The following KCNQ3 variants were observed in gnomAD, a reference collection of about 807,000 sequenced individuals.
KCNQ3 encodes potassium voltage-gated channel subfamily Q member 3.
A neutral mutation model predicts 92.5 loss-of-function variants in KCNQ3; 30 were observed. That is an observed-to-expected ratio of 0.32 (90% CI 0.24 to 0.44). KCNQ3 has a LOEUF of 0.44. Among genes scored for constraint, KCNQ3 ranks in the 20% least tolerant of loss-of-function variants. The pLI is 1.00. For missense variants in KCNQ3, 913 were observed against 1,140.3 expected (o/e 0.80, Z 2.87); for synonymous variants, 450 against 468.8 (o/e 0.96, Z 0.52).
chr8:132,282,339 T>G (rs993727039), intron 1 of KCNQ3, among the ~76,000 whole-genome samples: 1 of 152,182 alleles, frequency 6.6e-6, no homozygotes, highest in African/African-American at 2.4e-5. Context: ...TTTTAACAGG[T>G]GAGAAACTTC....
chr8:132,398,335 C>T (rs1014786979), intron 1 of KCNQ3, among the ~76,000 whole-genome samples: 2 of 151,940 alleles, frequency 1.3e-5, no homozygotes, highest in Admixed American at 1.3e-4. Context: ...CTTGATTTTG[C>T]TTTTGCATTT....
chr8:132,266,727 C>T (rs193287443), intron 1 of KCNQ3, among the ~76,000 whole-genome samples: 12 of 152,262 alleles, frequency 7.9e-5, no homozygotes, highest in African/African-American at 2.9e-4. Flanking sequence ...TTCTGGAACC[C>T]ACTCCAGACT....
At position 132,251,530 on chromosome 8, in the gene KCNQ3, T is replaced by C. The variant is rs149915416; in HGVS notation, c.387-65349A>G. Among the ~76,000 whole-genome samples, 688 of 152,348 alleles carry C rather than the reference T, an allele frequency of 4.5e-3. 4 individuals carry two copies. The highest frequency in any genetic ancestry group is 0.015 in the African/African-American group (633 of 41,586). On this transcript the variant is annotated intron_variant, in intron 1 of 14. Transcript: ENST00000388996. ...TTGTTTTTGTGGTCTCTTCCAAACA[T>C]GATACTTTGTGTTTCTGATGTGTTC...
intron 1 of KCNQ3, among the ~76,000 whole-genome samples, chr8:132,357,484 G>T (rs1417026146): frequency 6.6e-6 from 1 of 152,208 alleles, no homozygotes; most frequent in Non-Finnish European, 1.5e-5. Flanking sequence ...TGGCACCAGG[G>T]TCGCTCTCTG....
chr8:132,172,007 A>T (rs373895296), intron 7 of KCNQ3, among the ~76,000 whole-genome samples: 1 of 152,048 alleles, frequency 6.6e-6, no homozygotes, highest in African/African-American at 2.4e-5. Context: ...AAAAAAAATT[A>T]AAAAAATTAA....
At chr8:132,319,154 T>C (rs1817827445) in intron 1 of KCNQ3, among the ~76,000 whole-genome samples, 1 of 152,134 alleles carries the variant, frequency 6.6e-6, no homozygotes, top group Non-Finnish European at 1.5e-5. Context: ...TGATCTCATT[T>C]CTCCATGGAT....
At chr8:132,177,087 G>A (rs993788562) in intron 4 of KCNQ3, among the ~76,000 whole-genome samples, 1 of 152,218 alleles carries the variant, frequency 6.6e-6, no homozygotes, top group Non-Finnish European at 1.5e-5. Flanking sequence ...TGTGGTCCTA[G>A]TGCTTATATG....
intron 1 of KCNQ3, among the ~76,000 whole-genome samples, chr8:132,309,882 A>C (rs746859927): frequency 1.3e-5 from 2 of 152,210 alleles, no homozygotes; most frequent in African/African-American, 2.4e-5. Context: ...ACTTTCCCAA[A>C]TGTCAGTTGG....
At chr8:132,192,164 C>G (rs1367297657) in intron 1 of KCNQ3, among the ~76,000 whole-genome samples, 1 of 152,228 alleles carries the variant, frequency 6.6e-6, no homozygotes, top group African/African-American at 2.4e-5. Context: ...CGATTCCCAT[C>G]CGCAGGGAGC....
intron 9 of KCNQ3, among the ~76,000 whole-genome samples, chr8:132,149,597 T>C (rs1051855408): frequency 1.3e-5 from 2 of 152,250 alleles, no homozygotes; most frequent in African/African-American, 4.8e-5. Context: ...GGCATTTATC[T>C]TCTTTGTTTT....
chr8:132,293,482 T>C (rs1490295666), intron 1 of KCNQ3, among the ~76,000 whole-genome samples: 2 of 152,158 alleles, frequency 1.3e-5, no homozygotes, highest in Non-Finnish European at 2.9e-5. Flanking sequence ...TTCTTCTGTG[T>C]TAATGATTGT....
At chr8:132,202,959 G>A (rs76157766) in intron 1 of KCNQ3, among the ~76,000 whole-genome samples, 4,125 of 129,686 alleles carry the variant, frequency 0.032, 219 homozygotes, top group African/African-American at 0.12. Context: ...AGAATACCAC[G>A]GACTGGGCAA....
intron 12 of KCNQ3, among the ~76,000 whole-genome samples, chr8:132,136,444 G>T (rs933531048): frequency 2.6e-5 from 4 of 151,988 alleles, no homozygotes; most frequent in African/African-American, 9.7e-5. Flanking sequence ...GCTTATTAAA[G>T]ATTTGATACA....
chr8:132,164,317 TGTA>T (rs71923424), intron 8 of KCNQ3, among the ~76,000 whole-genome samples: 4,409 of 149,996 alleles, frequency 0.029, 221 homozygotes, highest in African/African-American at 0.11. Flanking sequence ...TGGATCACAT[TGTA>T]GTAGAATTAC....
rs74612746 is a variant in KCNQ3 at position 132,451,021 on chromosome 8, T to G, written c.386+29126A>C. 2.3e-4 allele frequency among the ~76,000 whole-genome samples: 35 copies of G among 152,334 alleles called. No individual in the cohort carries two copies. In the East Asian group the frequency reaches 6.4e-3, roughly 28 times the overall value. ...TACTCATCGCTCAAGATCAGTAATA[T>G]GGTTTGGCTCTGTGTCCCCACCCAA... is the stretch of plus-strand genomic sequence containing the variant. On this transcript the variant is annotated intron_variant, in intron 1 of 14. Coordinates refer to ENST00000388996, the MANE Select transcript of KCNQ3 (RefSeq NM_004519.4).
rs981939926 is a variant in KCNQ3 at position 132,122,804 on chromosome 8, G to T, written c.*6458C>A. ...CCAAATTCTGGCCGATTTATCCCGAGAACAATGTAAGTGGAAACTAACAAT... is the reference window on the plus strand; with the variant it reads ...CCAAATTCTGGCCGATTTATCCCGATAACAATGTAAGTGGAAACTAACAAT... On this transcript the variant is annotated 3_prime_UTR_variant, in exon 15 of 15. Coordinates refer to ENST00000388996, the MANE Select transcript of KCNQ3 (RefSeq NM_004519.4). The T allele has an allele frequency of 6.6e-6, 1 of 152,056 alleles. No individual in the cohort carries two copies. Among genetic ancestry groups the T allele is most frequent in the African/African-American group, 2.4e-5 (1 of 41,544 alleles). The allele number at this position is 152,056 out of a possible 1,614,324, so 9.4% of individuals were successfully genotyped here.
intron 1 of KCNQ3, among the ~76,000 whole-genome samples, chr8:132,342,499 C>T (rs537271520): frequency 1.2e-4 from 18 of 152,230 alleles, no homozygotes; most frequent in Non-Finnish European, 2.6e-4. Context: ...GTTGGGTTGA[C>T]AAGGTATGAT....
At chr8:132,349,642 A>G (rs143733924) in intron 1 of KCNQ3, among the ~76,000 whole-genome samples, 2 of 152,312 alleles carry the variant, frequency 1.3e-5, no homozygotes, top group East Asian at 3.9e-4. Flanking sequence ...AACATGCCCT[A>G]ATTACTCCAC....
intron 12 of KCNQ3, among the ~76,000 whole-genome samples, chr8:132,136,191 T>C (rs1379155279): frequency 2.2e-5 from 3 of 137,696 alleles, no homozygotes; most frequent in Admixed American, 7.4e-5. Context: ...AGCTGACAGA[T>C]AGCATCATTA....
Sources: allele counts gnomAD v4.1 joint callset (sites outside exome capture counted in the v4.1 genomes callset), GRCh38; gene constraint gnomAD v4.1.1; transcripts MANE v1.5; gene names NCBI Gene and HGNC (gene_info 2026-07-23, HGNC 2026-07-21).